Variants in FBXO7 observed in about 807,000 individuals in gnomAD.
FBXO7 encodes F-box protein 7.
FBXO7 carries 31 observed loss-of-function variants against 50.2 expected under a neutral mutation model. That is an observed-to-expected ratio of 0.62 (90% confidence interval 0.46 to 0.83). The LOEUF is 0.83. Among genes scored for constraint, FBXO7 ranks in the 40% least tolerant of loss-of-function variants. The probability of loss-of-function intolerance (pLI) is 0.00; values close to 1 mark genes in which losing one functional copy is unlikely to be tolerated. For synonymous variants in FBXO7, 256 were observed against 253.1 expected (o/e 1.01, Z -0.11); for missense variants, 667 against 646.6 (o/e 1.03, Z -0.34).
At chr22:32,482,891 T>G (rs2057473980) in intron 2 of FBXO7, among the ~76,000 whole-genome samples, 1 of 152,200 alleles carries the variant, frequency 6.6e-6, no homozygotes, top group Admixed American at 6.5e-5. Context: ...AAAATTGCAA[T>G]ACAGTGCAGT....
At chr22:32,494,041 G>A (rs1054557483) in intron 7 of FBXO7, among the ~76,000 whole-genome samples, 1 of 145,704 alleles carries the variant, frequency 6.9e-6, no homozygotes, top group Non-Finnish European at 1.5e-5. Context: ...GAATGATACT[G>A]CTATATGTGA....
chr22:32,482,202 G>A (rs1399576087), intron 2 of FBXO7, among the ~76,000 whole-genome samples: 1 of 152,104 alleles, frequency 6.6e-6, no homozygotes, highest in Non-Finnish European at 1.5e-5. Flanking sequence ...TAGGAAATAT[G>A]GAAATATTTT....
intron 5 of FBXO7, 54 bp downstream of exon 5, chr22:32,487,882 GAAAA>G (rs1162982327): frequency 1.8e-6 from 2 of 1,101,886 alleles, no homozygotes; most frequent in Middle Eastern, 4.0e-4. Flanking sequence ...ATTCATATAA[GAAAA>G]AAATCTGAAA....
intron 8 of FBXO7, among the ~76,000 whole-genome samples, chr22:32,496,255 C>T (rs1031404248): frequency 1.3e-5 from 2 of 152,052 alleles, no homozygotes; most frequent in African/African-American, 4.8e-5. Context: ...CCGAAGTGGG[C>T]GGATCACCTG....
chr22:32,475,705 T>A (rs2057423738), intron 1 of FBXO7: 2 of 341,930 alleles, frequency 5.8e-6, no homozygotes, highest in Admixed American at 1.0e-4. Context: ...GGTGAGCGCT[T>A]GGACTTCGCC....
intron 8 of FBXO7, among the ~76,000 whole-genome samples, chr22:32,496,480 T>A (rs2057575665): frequency 6.6e-6 from 1 of 151,788 alleles, no homozygotes; most frequent in Non-Finnish European, 1.5e-5. Flanking sequence ...AGACTCTGTC[T>A]CAAAAAACAA....
chr22:32,493,198 C>T lies in FBXO7; in HGVS notation c.1061C>T (p.Ser354Phe). ...CTTCTGGATGTTCGTTCCGTCTTGT[C>T]TTTGTCTGCGGTTTGTCGTGACCTC... is the stretch of plus-strand genomic sequence containing the variant. Reference protein sequence around the residue: ...FRLLDVRSVLSLSAVCRDLFT... With the variant: ...FRLLDVRSVLFLSAVCRDLFT... Residue 354 changes from serine (S) to phenylalanine (F), a missense_variant, in exon 7 of 9, where the codon TCT becomes TTT. Physicochemically the swap from Ser to Phe is radical, Grantham distance 155 (BLOSUM62 -2). Transcript: ENST00000266087. 1 of 1,614,142 alleles carries T rather than the reference C, an allele frequency of 6.2e-7. No individual in the cohort carries two copies. Among genetic ancestry groups the T allele is most frequent in the South Asian group, 1.1e-5 (1 of 91,082 alleles).
intron 7 of FBXO7, 43 bp from the exon 8 acceptor site, chr22:32,495,450 A>G: frequency 7.2e-7 from 1 of 1,383,292 alleles, no homozygotes. Flanking sequence ...TGCAGGACGA[A>G]TGAAATGTTT....
intron 8 of FBXO7, among the ~76,000 whole-genome samples, chr22:32,496,659 TG>T (rs1306619587): frequency 6.6e-6 from 1 of 152,224 alleles, no homozygotes; most frequent in Non-Finnish European, 1.5e-5. Context: ...AAAATACTAC[TG>T]CTCATTGACA....
chr22:32,493,767 G>A (rs1336064633), intron 7 of FBXO7, among the ~76,000 whole-genome samples: 1 of 152,052 alleles, frequency 6.6e-6, no homozygotes, highest in Non-Finnish European at 1.5e-5. Flanking sequence ...AAGGCCAAAA[G>A]CCTGATTGTG....
At chr22:32,494,401 C>T (rs1568979458) in intron 7 of FBXO7, among the ~76,000 whole-genome samples, 2 of 151,944 alleles carry the variant, frequency 1.3e-5, no homozygotes, top group Admixed American at 1.3e-4. Context: ...AGTGCAGTGG[C>T]GCAGTCATAG....
At chr22:32,493,312 A>G in intron 7 of FBXO7, 31 bp downstream of exon 7, 1 of 1,589,462 alleles carries the variant, frequency 6.3e-7, no homozygotes, top group Non-Finnish European at 8.6e-7. Flanking sequence ...TTCACAAGAA[A>G]GGGCTCTTAT....
intron 7 of FBXO7, 42 bp downstream of exon 7, chr22:32,493,323 T>G (rs1442339815): frequency 6.4e-7 from 1 of 1,552,576 alleles, no homozygotes; most frequent in Non-Finnish European, 8.9e-7. Flanking sequence ...GGGCTCTTAT[T>G]GTCTTGATTA....
intron 7 of FBXO7, among the ~76,000 whole-genome samples, chr22:32,495,202 A>G (rs1171251202): frequency 6.6e-6 from 1 of 152,220 alleles, no homozygotes; most frequent in African/African-American, 2.4e-5. Flanking sequence ...GGACCAGTTA[A>G]TGCAGGAAGA....
chr22:32,476,701 G>A (rs934768097), intron 1 of FBXO7, among the ~76,000 whole-genome samples: 1 of 152,138 alleles, frequency 6.6e-6, no homozygotes, highest in South Asian at 2.1e-4. Flanking sequence ...TAAGAGAAAA[G>A]TGAAAGCAAG....
rs746399495 is a variant in FBXO7 at position 32,485,089 on chromosome 22, T to C, written c.667T>C (p.Ser223Pro). 1 of 1,614,172 alleles carries C rather than the reference T, an allele frequency of 6.2e-7. No individual in the cohort carries two copies. Among genetic ancestry groups the C allele is most frequent in the Non-Finnish European group, 8.5e-7 (1 of 1,180,018 alleles). The change falls in exon 4 of 9, where the codon TCC becomes CCC. Residue 223 changes from serine (S) to proline (P), a missense_variant. Ser to Pro is a moderately conservative substitution (Grantham distance 74, BLOSUM62 -1). Transcript: ENST00000266087. ...IPQGTEAKAL[S>P]MPEKWKLSGV... Reference sequence around the variant, plus strand: ...CCAGGGCACCGAAGCCAAAGCACTGTCCATGCCGGAGAAGTGGAAGTTGAG... The same window carrying C: ...CCAGGGCACCGAAGCCAAAGCACTGCCCATGCCGGAGAAGTGGAAGTTGAG...
intron 7 of FBXO7, among the ~76,000 whole-genome samples, chr22:32,494,656 A>AGAG (rs1296601047): frequency 6.6e-6 from 1 of 152,240 alleles, no homozygotes; most frequent in African/African-American, 2.4e-5. Context: ...GAGAAAAAGC[A>AGAG]GAGTATGATA....
At chr22:32,489,137 C>T (rs1315621691) in intron 5 of FBXO7, 1 of 152,146 alleles carries the variant, frequency 6.6e-6, no homozygotes, top group Admixed American at 6.5e-5. Context: ...TCAGACTAGG[C>T]CAGAGTTTCT....
chr22:32,474,953 T>TCCCCGTCGCCGC lies in FBXO7; in HGVS notation c.-49_-38dup, dbSNP rs893492549. 12 of 1,501,836 alleles carry TCCCCGTCGCCGC rather than the reference T, an allele frequency of 8.0e-6. No homozygotes were observed. The highest frequency in any genetic ancestry group is 5.8e-5 in the African/African-American group (4 of 69,436). 93.0% of individuals were successfully genotyped at this position (1,501,836 alleles called of 1,614,324 possible). Reference sequence around the variant, plus strand: ...CGGGAGCTGCTCGGCCCCGCCGCCGTCCCCGTCGCCGCTTCCGGGTCCAGG... The same window carrying TCCCCGTCGCCGC: ...CGGGAGCTGCTCGGCCCCGCCGCCGTCCCCGTCGCCGCCCCCGTCGCCGCTTCCGGGTCCAGG... On this transcript the variant is annotated 5_prime_UTR_variant, in exon 1 of 9. Coordinates refer to ENST00000266087, the MANE Select transcript of FBXO7 (RefSeq NM_012179.4).
Sources: gnomAD v4.1 joint callset for allele counts (sites outside exome capture counted in the v4.1 genomes callset) on GRCh38, gnomAD v4.1.1 for gene constraint, MANE v1.5 for transcripts, NCBI Gene and HGNC (gene_info 2026-07-23, HGNC 2026-07-21) for gene names.